The following TUT4 variants were observed in gnomAD, a reference collection of about 807,000 sequenced individuals.
The protein encoded by TUT4 is terminal uridylyltransferase 4.
TUT4 carries 36 observed loss-of-function variants against 192.2 expected under a neutral mutation model. The observed-to-expected ratio is 0.19, with a 90% CI of 0.14 to 0.25. The LOEUF is 0.25. Among genes scored for constraint, TUT4 ranks in the 10% least tolerant of loss-of-function variants. TUT4 has a pLI of 1.00. For missense variants in TUT4, 1,493 were observed against 1,957.2 expected, an observed-to-expected ratio of 0.76 and a Z score of 4.47; for synonymous variants, 618 against 666.0, an observed-to-expected ratio of 0.93 and a Z score of 1.11.
rs79881529 is a variant in TUT4, at chr1:52,477,822, G to A, written c.1909C>T (p.Leu637Phe). Residue 637 changes from leucine to phenylalanine, a missense_variant, in exon 12 of 30, where the codon CTT (leucine) becomes TTT (phenylalanine). By Grantham distance (22) the Leu-to-Phe change is conservative. Transcript: ENST00000257177. The part of the protein sequence containing the change: ...VSLGQLWLEL[L>F]KFYTLDFALE... ...GCAAAATCCAGTGTGTAGAATTTAA[G>A]CAGCTCTAACCATAACTGTCCCAAG... 6.2e-7 allele frequency: 1 copy of A among 1,613,936 alleles called. No individual in the cohort carries two copies. Among genetic ancestry groups the A allele is most frequent in the Non-Finnish European group, 8.5e-7 (1 of 1,179,964 alleles).
intron 1 of TUT4, among the ~76,000 whole-genome samples, chr1:52,528,110 C>T (rs1258794845): frequency 6.6e-6 from 1 of 150,726 alleles, no homozygotes; most frequent in African/African-American, 2.4e-5. Flanking sequence ...ACCCGGGAAG[C>T]GGAAGTTGCA....
intron 4 of TUT4, among the ~76,000 whole-genome samples, chr1:52,504,232 G>T (rs1674909622): frequency 6.6e-6 from 1 of 152,112 alleles, no homozygotes; most frequent in African/African-American, 2.4e-5. Context: ...CTTCAGGTCA[G>T]TGTTCATCAC....
intron 26 of TUT4, 36 bp from the exon 27 acceptor site, chr1:52,435,501 AG>A (rs1157248105): frequency 1.6e-5 from 24 of 1,500,316 alleles, no homozygotes; most frequent in African/African-American, 2.8e-5. Flanking sequence ...TCAACAGATA[AG>A]GAAAGTAGCA....
intron 15 of TUT4, among the ~76,000 whole-genome samples, chr1:52,467,931 CTTTT>C (rs1233184216): frequency 2.6e-5 from 4 of 152,132 alleles, no homozygotes; most frequent in Non-Finnish European, 5.9e-5. Flanking sequence ...CACTTCAGTT[CTTTT>C]ATCTCCTATA....
chr1:52,444,964 T>C (rs1445327091), intron 24 of TUT4, among the ~76,000 whole-genome samples: 4 of 150,938 alleles, frequency 2.7e-5, no homozygotes, highest in African/African-American at 7.4e-5. Context: ...TATACATGTA[T>C]ATACATGTAT....
intron 16 of TUT4, chr1:52,462,069 T>C (rs968763460): frequency 8.6e-6 from 2 of 233,696 alleles, no homozygotes; most frequent in South Asian, 8.3e-5. Context: ...GAGAAGAATA[T>C]GGTTTTCAAT....
At chr1:52,462,652 C>CTGGCACAAAATAAGCCTTTAAATCTGTG (rs1662945667) in intron 16 of TUT4, 3 of 918,598 alleles carry the variant, frequency 3.3e-6, no homozygotes, top group Non-Finnish European at 3.9e-6. Flanking sequence ...AGCAGAATGC[C>CTGGCACAAAATAAGCCTTTAAATCTGTG]TGGCACAAAA....
At chr1:52,444,531 G>A (rs907312295) in intron 24 of TUT4, among the ~76,000 whole-genome samples, 1 of 151,884 alleles carries the variant, frequency 6.6e-6, no homozygotes, top group Non-Finnish European at 1.5e-5. Context: ...AATACTGAAT[G>A]TCAATTTCAT....
chr1:52,436,695 T>C, intron 26 of TUT4, 60 bp downstream of exon 26: 1 of 1,603,524 alleles, frequency 6.2e-7, no homozygotes, highest in Non-Finnish European at 8.5e-7. Flanking sequence ...TCATTTAGCA[T>C]GCAAGCAACA....
intron 4 of TUT4, among the ~76,000 whole-genome samples, chr1:52,505,290 T>C (rs1675227546): frequency 6.6e-6 from 1 of 152,196 alleles, no homozygotes; most frequent in South Asian, 2.1e-4. Context: ...CAGGGTCTCA[T>C]TATATTGCCC....
intron 3 of TUT4, among the ~76,000 whole-genome samples, chr1:52,511,845 T>C (rs536869791): frequency 5.3e-5 from 8 of 152,302 alleles, no homozygotes; most frequent in African/African-American, 1.9e-4. Context: ...CTAATTTATA[T>C]TTTAAAAGGA....
chr1:52,511,151 A>G (rs1677045707), intron 3 of TUT4, among the ~76,000 whole-genome samples: 1 of 152,238 alleles, frequency 6.6e-6, no homozygotes, highest in Admixed American at 6.5e-5. Context: ...CTTATAGAGT[A>G]TTAACCTTTC....
At chr1:52,428,304 G>A (rs950816540) in intron 28 of TUT4, among the ~76,000 whole-genome samples, 1 of 151,784 alleles carries the variant, frequency 6.6e-6, no homozygotes, top group South Asian at 2.1e-4. Context: ...TGGCCAACAT[G>A]GTGAATGAAA....
In TUT4 at chr1:52,438,206, A is replaced by G. The variant is rs771443825; in HGVS notation, c.3938+14T>C. ...TATTTTCCTCAAAATGTTGATATAT[A>G]TTCATTTGCCAACCTTTTCCTTTTA... On this transcript the variant is annotated intron_variant, in intron 25 of 29. Coordinates refer to ENST00000257177, the MANE Select transcript of TUT4 (RefSeq NM_001009881.3). 3 of 1,592,318 alleles carry G rather than the reference A, an allele frequency of 1.9e-6. No individual in the cohort carries two copies. Among genetic ancestry groups the G allele is most frequent in the South Asian group, 2.2e-5 (2 of 89,048 alleles).
chr1:52,541,208 TA>T (rs548079594), intron 1 of TUT4, among the ~76,000 whole-genome samples: 411 of 84,590 alleles, frequency 4.9e-3, no homozygotes, highest in Admixed American at 5.5e-3. Flanking sequence ...GACTCTGTCT[TA>T]AAAAAAAAAA....
At chr1:52,553,280 T>G (rs1253763900), upstream of TUT4, among the ~76,000 whole-genome samples, 1 of 135,922 alleles carries the variant, frequency 7.4e-6, no homozygotes, top group Non-Finnish European at 1.5e-5. Context: ...AGGGAAGGGT[T>G]CAGGGGTGCC....
chr1:52,461,889 T>A, intron 16 of TUT4, 120 bp from the exon 17 acceptor site: 1 of 614,332 alleles, frequency 1.6e-6, no homozygotes, highest in Non-Finnish European at 2.8e-6. Flanking sequence ...ATAATAACCT[T>A]GCTACTCCAA....
At position 52,424,084 on chromosome 1, in the gene TUT4, CTTTCTT is replaced by C. The variant is rs1648958880; in HGVS notation, c.4871-88_4871-83del. 2.1e-6 allele frequency: 3 copies of C among 1,402,084 alleles called. No individual in the cohort carries two copies. In the African/African-American group the frequency reaches 4.3e-5, roughly 20 times the overall value. The allele number at this position is 1,402,084 out of a possible 1,614,324, so 86.9% of individuals were successfully genotyped here. A position where few individuals can be genotyped will look rare whatever the true frequency, so the allele number is the denominator to read the frequency against. ...CACCTTAGAATTAACTTGTAGTTAG[CTTTCTT>C]TTTTTCTATTTATATAATAGGAGGT... is the stretch of plus-strand genomic sequence containing the variant. On this transcript the variant is annotated intron_variant, in intron 29 of 29. Coordinates refer to ENST00000257177, the MANE Select transcript of TUT4 (RefSeq NM_001009881.3).
intron 25 of TUT4, chr1:52,437,361 A>C (rs1481420682): frequency 5.8e-6 from 1 of 171,294 alleles, no homozygotes; most frequent in African/African-American, 2.4e-5. Flanking sequence ...CCAAGTTTTT[A>C]TTTTAGGCCA....
Sources: gnomAD v4.1 joint callset for allele counts (sites outside exome capture counted in the v4.1 genomes callset) on GRCh38, gnomAD v4.1.1 for gene constraint, MANE v1.5 for transcripts, NCBI Gene and HGNC (gene_info 2026-07-23, HGNC 2026-07-21) for gene names.